The following TANC1 variants were observed in gnomAD, a reference collection of about 807,000 sequenced individuals.
TANC1 encodes tetratricopeptide repeat, ankyrin repeat and coiled-coil containing 1.
TANC1 carries 77 observed loss-of-function variants against 149.7 expected under a neutral mutation model. The ratio of observed to expected loss-of-function variants is 0.51; its 90% confidence interval spans 0.43 to 0.62. TANC1 has a LOEUF of 0.62. Among genes scored for constraint, TANC1 ranks in the 20% least tolerant of loss-of-function variants. The probability of loss-of-function intolerance (pLI) is 0.00; values close to 1 mark genes in which losing one functional copy is unlikely to be tolerated. For missense variants in TANC1, 1,985 were observed against 2,321.8 expected, an observed-to-expected ratio of 0.85 and a Z score of 2.98; for synonymous variants, 854 against 925.0, an observed-to-expected ratio of 0.92 and a Z score of 1.39.
chr2:159,222,889 C>T (rs552718818), intron 22 of TANC1, among the ~76,000 whole-genome samples: 2 of 152,094 alleles, frequency 1.3e-5, no homozygotes, highest in South Asian at 4.1e-4. Context: ...TGTTCCACAT[C>T]GTCACCAATA....
At chr2:159,093,977 C>T (rs1385291989) in intron 3 of TANC1, among the ~76,000 whole-genome samples, 1 of 152,178 alleles carries the variant, frequency 6.6e-6, no homozygotes, top group Non-Finnish European at 1.5e-5. Flanking sequence ...CCTAATTTCT[C>T]TTGTGTCATG....
intron 7 of TANC1, chr2:159,150,781 A>T: frequency 8.0e-6 from 3 of 373,380 alleles, no homozygotes; most frequent in African/African-American, 2.1e-5. Flanking sequence ...ATTTGTTAAA[A>T]AAAAAAAAAA....
rs56319016 is a variant in TANC1, at chr2:159,203,209, C to CTTTTTT, written c.3244+4167_3244+4172dup. On this transcript the variant is annotated intron_variant, in intron 19 of 26. Transcript: ENST00000263635. ...ATCTTATTCGATAGGCTTTTCTTTT[C>CTTTTTT]TTTTTTTTTTTTTTTTGAGATGGAG... Among the ~76,000 whole-genome samples the CTTTTTT allele has an allele frequency of 2.0e-5, 2 of 101,666 alleles. 1 individual carries two copies. 66.7% of individuals were successfully genotyped at this position (101,666 alleles called of 152,430 possible). A position where few individuals can be genotyped will look rare whatever the true frequency, so the allele number is the denominator to read the frequency against.
At chr2:159,189,420 C>T (rs975026615) in intron 16 of TANC1, among the ~76,000 whole-genome samples, 3 of 152,194 alleles carry the variant, frequency 2.0e-5, no homozygotes, top group African/African-American at 7.2e-5. Flanking sequence ...CCTGTGCCTT[C>T]CAGAGGTCAG....
chr2:158,995,242 G>C (rs930164350), intron 1 of TANC1, among the ~76,000 whole-genome samples: 6 of 152,084 alleles, frequency 3.9e-5, no homozygotes, highest in African/African-American at 9.7e-5. Context: ...TGGCTGGCTG[G>C]GGGGGCGCTC....
At chr2:159,192,436 A>G (rs1559430365) in intron 16 of TANC1, among the ~76,000 whole-genome samples, 1 of 152,108 alleles carries the variant, frequency 6.6e-6, no homozygotes, top group Non-Finnish European at 1.5e-5. Flanking sequence ...GTTGTGAGCC[A>G]CTGCACCCAG....
intron 19 of TANC1, among the ~76,000 whole-genome samples, chr2:159,214,728 G>A (rs553845474): frequency 1.3e-5 from 2 of 152,276 alleles, no homozygotes; most frequent in East Asian, 3.9e-4. Flanking sequence ...CTCAGATAAG[G>A]CCTGGGGAGC....
At chr2:159,196,504 GTACGC>G (rs2057860427) in intron 17 of TANC1, 99 bp from the exon 18 acceptor site, 1 of 917,016 alleles carries the variant, frequency 1.1e-6, no homozygotes, top group East Asian at 2.7e-5. Context: ...TGAACCCCAT[GTACGC>G]TTACAGGGAG....
intron 2 of TANC1, among the ~76,000 whole-genome samples, chr2:159,046,589 CTTTT>C (rs57208685): frequency 1.2e-5 from 1 of 84,398 alleles, no homozygotes; most frequent in African/African-American, 5.5e-5. Flanking sequence ...CTTTTCTTTA[CTTTT>C]TTTTTTTTTT....
chr2:159,185,729 G>T (rs2056910027), intron 14 of TANC1, 62 bp from the exon 15 acceptor site: 2 of 1,105,540 alleles, frequency 1.8e-6, no homozygotes, highest in Non-Finnish European at 2.7e-6. Context: ...TGAATTGAGG[G>T]TGGGTCTGCG....
chr2:158,992,827 T>C (rs1048303292), intron 1 of TANC1, among the ~76,000 whole-genome samples: 36 of 152,112 alleles, frequency 2.4e-4, no homozygotes. Context: ...GACTGTGTAA[T>C]ATATTTCATG....
At chr2:159,192,027 A>T (rs73002970) in intron 16 of TANC1, among the ~76,000 whole-genome samples, 1 of 152,172 alleles carries the variant, frequency 6.6e-6, no homozygotes, top group Non-Finnish European at 1.5e-5. Context: ...AGATCTGAAA[A>T]AAAAAATATT....
intron 2 of TANC1, among the ~76,000 whole-genome samples, chr2:159,008,040 T>A (rs538125932): frequency 6.6e-6 from 1 of 152,238 alleles, no homozygotes; most frequent in Admixed American, 6.5e-5. Context: ...GAAGAGAGAT[T>A]ATCAAGTTAA....
intron 1 of TANC1, among the ~76,000 whole-genome samples, chr2:158,999,196 A>T (rs889656677): frequency 1.3e-5 from 2 of 152,168 alleles, no homozygotes; most frequent in Non-Finnish European, 2.9e-5. Context: ...TGGTGTGCAC[A>T]AAGCTTTCAT....
intron 22 of TANC1, among the ~76,000 whole-genome samples, chr2:159,220,456 C>T (rs1188873838): frequency 6.6e-6 from 1 of 151,728 alleles, no homozygotes; most frequent in East Asian, 1.9e-4. Context: ...TACAGGCATG[C>T]ACCACCATGC....
At chr2:159,202,628 G>C (rs1472536720) in intron 19 of TANC1, among the ~76,000 whole-genome samples, 2 of 152,118 alleles carry the variant, frequency 1.3e-5, no homozygotes, top group African/African-American at 4.8e-5. Context: ...AGAATAAGTA[G>C]TATGATCCAT....
At chr2:159,098,829 G>T (rs144805052) in intron 4 of TANC1, among the ~76,000 whole-genome samples, 1 of 149,462 alleles carries the variant, frequency 6.7e-6, no homozygotes. Context: ...AAAATTCTTG[G>T]ATTTTTTTTT....
intron 4 of TANC1, among the ~76,000 whole-genome samples, chr2:159,103,163 C>T (rs1415673716): frequency 1.0e-5 from 1 of 96,474 alleles, no homozygotes; most frequent in East Asian, 2.3e-4. Flanking sequence ...TAATTACACT[C>T]ACGTTGTTGT....
In TANC1 at chr2:159,178,514, T is replaced by C. The variant is rs757753037; in HGVS notation, c.1903-42T>C. 5 of 1,509,388 alleles carry C rather than the reference T, an allele frequency of 3.3e-6. No individual in the cohort carries two copies. The South Asian group carries it at 6.9e-5, about 21-fold the overall frequency. The allele number at this position is 1,509,388 out of a possible 1,614,324, so 93.5% of individuals were successfully genotyped here. On this transcript the variant is annotated intron_variant, in intron 13 of 26. Coordinates refer to ENST00000263635, the MANE Select transcript of TANC1 (RefSeq NM_033394.3). ...AAATGCTGTTAAAATAAAAAAGGAA[T>C]CTCTTTAGAGTGACACTGTGGGTTT... is the stretch of plus-strand genomic sequence containing the variant.
Sources: allele counts gnomAD v4.1 joint callset (sites outside exome capture counted in the v4.1 genomes callset), GRCh38; gene constraint gnomAD v4.1.1; transcripts MANE v1.5; gene names NCBI Gene and HGNC (gene_info 2026-07-23, HGNC 2026-07-21).